Variants in SPMIP7 observed in about 807,000 individuals in gnomAD.
SPMIP7 encodes the protein protein SPMIP7.
chr7:50,099,981 C>T, the SPMIP7 span, among the ~76,000 whole-genome samples: 7 of 151,194 alleles, frequency 4.6e-5, no homozygotes, highest in South Asian at 2.1e-4. Flanking sequence ...GTGCTGGACA[C>T]GAATGAATCA....
At chr7:50,116,936 C>G in the SPMIP7 span, among the ~76,000 whole-genome samples, 793 of 152,312 alleles carry the variant, frequency 5.2e-3, 29 homozygotes, top group South Asian at 0.089. Flanking sequence ...TGAAGCAATT[C>G]TCCTCTTGCC....
At chr7:50,106,449 ATC>A in the SPMIP7 span, among the ~76,000 whole-genome samples, 1 of 152,246 alleles carries the variant, frequency 6.6e-6, no homozygotes, top group African/African-American at 2.4e-5. Flanking sequence ...GCCTAGCTTA[ATC>A]CAAGTAAATA....
the SPMIP7 span, chr7:50,151,620 G>T: frequency 0.44 from 500,910 of 1,148,134 alleles, 112,471 homozygotes; most frequent in East Asian, 0.72. Context: ...CCTAATTGTG[G>T]TTATTCCATT....
the SPMIP7 span, among the ~76,000 whole-genome samples, chr7:50,133,243 G>A: frequency 6.6e-6 from 1 of 151,878 alleles, no homozygotes; most frequent in African/African-American, 2.4e-5. Flanking sequence ...GTTTGTGTGT[G>A]TGTGTGTGTG....
chr7:50,101,642 AT>A, the SPMIP7 span, among the ~76,000 whole-genome samples: 1 of 152,242 alleles, frequency 6.6e-6, no homozygotes, highest in Non-Finnish European at 1.5e-5. Flanking sequence ...ATCTGGCTTA[AT>A]ATTAGAATTC....
chr7:50,124,730 A>G, the SPMIP7 span, among the ~76,000 whole-genome samples: 1 of 152,220 alleles, frequency 6.6e-6, no homozygotes, highest in Non-Finnish European at 1.5e-5. Flanking sequence ...AAACTCTGCT[A>G]AGAAGAAAAA....
chr7:50,158,946 T>C, the SPMIP7 span: 22 of 1,282,718 alleles, frequency 1.7e-5, no homozygotes, highest in South Asian at 3.0e-4. Context: ...CGCGCTCCCC[T>C]CCCCTTCCCG....
chr7:50,100,380 C>G, the SPMIP7 span, among the ~76,000 whole-genome samples: 2 of 152,244 alleles, frequency 1.3e-5, no homozygotes, highest in Admixed American at 6.5e-5. Context: ...GAGCCTTTCA[C>G]TCAGTTTCTG....
At chr7:50,140,049 GC>G in the SPMIP7 span, 4 of 851,592 alleles carry the variant, frequency 4.7e-6, no homozygotes, top group Non-Finnish European at 7.1e-6. Context: ...ATCTGTGAAG[GC>G]TTTTGTCTTA....
chr7:50,115,531 TG>T, the SPMIP7 span, among the ~76,000 whole-genome samples: 3 of 152,070 alleles, frequency 2.0e-5, no homozygotes, highest in African/African-American at 7.2e-5. Context: ...ACACATCAAA[TG>T]AAATCAAAAA....
At chr7:50,155,932 G>A in the SPMIP7 span, among the ~76,000 whole-genome samples, 3 of 41,928 alleles carry the variant, frequency 7.2e-5, no homozygotes, top group Non-Finnish European at 1.6e-4. Flanking sequence ...TTCTCAGGGT[G>A]CAGATAACTC....
the SPMIP7 span, among the ~76,000 whole-genome samples, chr7:50,149,439 A>G: frequency 1.3e-5 from 2 of 152,164 alleles, no homozygotes; most frequent in Non-Finnish European, 1.5e-5. Context: ...CTAAGAGGTT[A>G]GTGTTGTCCT....
At chr7:50,112,404 T>A in the SPMIP7 span, among the ~76,000 whole-genome samples, 5 of 152,008 alleles carry the variant, frequency 3.3e-5, no homozygotes, top group Non-Finnish European at 5.9e-5. Flanking sequence ...TCCTGTGCAA[T>A]GTAGGATGAT....
chr7:50,153,141 A>C, the SPMIP7 span, among the ~76,000 whole-genome samples: 1 of 152,194 alleles, frequency 6.6e-6, no homozygotes, highest in Non-Finnish European at 1.5e-5. Flanking sequence ...GAAGAAATGA[A>C]ATAATAATCT....
the SPMIP7 span, among the ~76,000 whole-genome samples, chr7:50,116,169 G>T: frequency 6.6e-6 from 1 of 152,168 alleles, no homozygotes; most frequent in Non-Finnish European, 1.5e-5. Flanking sequence ...AGGCTGGAGT[G>T]TAGTGGCGTG....
At chr7:50,136,192 C>T in the SPMIP7 span, 4 of 1,461,894 alleles carry the variant, frequency 2.7e-6, no homozygotes, top group South Asian at 1.2e-5. Flanking sequence ...AAAGTTCTCA[C>T]ACTAGGTTTC....
At chr7:50,123,601 A>AT in the SPMIP7 span, among the ~76,000 whole-genome samples, 1 of 150,280 alleles carries the variant, frequency 6.7e-6, no homozygotes, top group Non-Finnish European at 1.5e-5. Context: ...AAATAAATAA[A>AT]AAGCTTGAAA....
chr7:50,133,021 A>G, the SPMIP7 span, among the ~76,000 whole-genome samples: 1 of 152,190 alleles, frequency 6.6e-6, no homozygotes, highest in African/African-American at 2.4e-5. Context: ...TGCCTTGTCC[A>G]TAGAATGGAA....
chr7:50,143,997 A>G, the SPMIP7 span, among the ~76,000 whole-genome samples: 1 of 152,166 alleles, frequency 6.6e-6, no homozygotes, highest in Non-Finnish European at 1.5e-5. Flanking sequence ...TATTCTTTAT[A>G]TGACTCTTTC....
Sources: gnomAD v4.1 joint callset for allele counts (sites outside exome capture counted in the v4.1 genomes callset) on GRCh38, gnomAD v4.1.1 for gene constraint, MANE v1.5 for transcripts, NCBI Gene and HGNC (gene_info 2026-07-23, HGNC 2026-07-21) for gene names.